The following FKBP5 variants were observed in gnomAD, a reference collection of about 807,000 sequenced individuals.
FKBP5 encodes peptidyl-prolyl cis-trans isomerase FKBP5.
Under a neutral mutation model 50.5 loss-of-function variants are expected in FKBP5, and 23 were observed. The ratio of observed to expected loss-of-function variants is 0.46; its 90% CI spans 0.33 to 0.65. The LOEUF is 0.65. FKBP5 is among the 30% of genes least tolerant of loss of function. The probability of loss-of-function intolerance (pLI) is 0.02; values close to 1 mark genes in which losing one functional copy is unlikely to be tolerated. For synonymous variants in FKBP5, 176 were observed against 190.6 expected (o/e 0.92, Z 0.63); for missense variants, 411 against 553.1 (o/e 0.74, Z 2.58).
intron 8 of FKBP5, chr6:35,585,018 A>G (rs1762557829): frequency 1.0e-6 from 1 of 985,286 alleles, no homozygotes; most frequent in Non-Finnish European, 1.2e-6. Flanking sequence ...AGATGGCTTC[A>G]TAACATTATT....
intron 2 of FKBP5, chr6:35,720,284 T>G (rs1003873714): frequency 6.6e-6 from 1 of 152,426 alleles, no homozygotes; most frequent in Non-Finnish European, 1.5e-5. Flanking sequence ...AACTGGAGCA[T>G]GCAGCTGGAG....
chr6:35,727,009 G>A (rs184764682), intron 1 of FKBP5, among the ~76,000 whole-genome samples: 16 of 152,302 alleles, frequency 1.1e-4, no homozygotes, highest in African/African-American at 2.9e-4. Flanking sequence ...AGTGTGCTGG[G>A]CGTTCAGAGG....
intron 1 of FKBP5, among the ~76,000 whole-genome samples, chr6:35,672,783 T>C (rs573571544): frequency 1.2e-4 from 18 of 151,276 alleles, no homozygotes; most frequent in African/African-American, 4.4e-4. Flanking sequence ...TACAAAAAAT[T>C]AGCTGGCGTA....
chr6:35,618,318 C>T (rs759472148), intron 5 of FKBP5, among the ~76,000 whole-genome samples: 35 of 152,226 alleles, frequency 2.3e-4, no homozygotes, highest in Non-Finnish European at 4.0e-4. Context: ...ATGCCTGACA[C>T]GTAGATGTTG....
chr6:35,584,038 T>G, intron 8 of FKBP5: 1 of 985,434 alleles, frequency 1.0e-6, no homozygotes, highest in Non-Finnish European at 1.2e-6. Flanking sequence ...GTTCTTAGCC[T>G]TCTTGCCACT....
At chr6:35,649,356 T>G (rs571939135) in intron 1 of FKBP5, among the ~76,000 whole-genome samples, 33 of 152,056 alleles carry the variant, frequency 2.2e-4, no homozygotes, top group African/African-American at 7.7e-4. Context: ...GTAGATGCAA[T>G]TACCTCTGAA....
intron 5 of FKBP5, among the ~76,000 whole-genome samples, chr6:35,618,379 A>AT (rs879828940): frequency 1.2e-4 from 18 of 149,878 alleles, no homozygotes; most frequent in East Asian, 5.8e-4. Flanking sequence ...ACCTGAAACT[A>AT]TTTTTTTTTT....
intron 3 of FKBP5, among the ~76,000 whole-genome samples, chr6:35,635,255 T>C (rs1338220984): frequency 6.6e-6 from 1 of 152,008 alleles, no homozygotes; most frequent in African/African-American, 2.4e-5. Context: ...TAATCTTGCT[T>C]GAACCTCGGA....
At chr6:35,695,846 A>G (rs1251415334) in intron 2 of FKBP5, among the ~76,000 whole-genome samples, 1 of 152,200 alleles carries the variant, frequency 6.6e-6, no homozygotes, top group African/African-American at 2.4e-5. Context: ...GTTGAAAGAA[A>G]TTAAAGACAG....
At chr6:35,648,864 G>A (rs1317759875) in intron 1 of FKBP5, among the ~76,000 whole-genome samples, 2 of 152,070 alleles carry the variant, frequency 1.3e-5, no homozygotes, top group African/African-American at 4.8e-5. Flanking sequence ...CAGGAGAATC[G>A]CTTGAACCCT....
chr6:35,645,760 C>G (rs1015418128), intron 1 of FKBP5, among the ~76,000 whole-genome samples: 1 of 152,176 alleles, frequency 6.6e-6, no homozygotes, highest in African/African-American at 2.4e-5. Flanking sequence ...ACAATGCTTT[C>G]TTTTGAATGT....
chr6:35,594,144 CAA>C (rs1172819184), intron 6 of FKBP5, among the ~76,000 whole-genome samples: 1 of 151,880 alleles, frequency 6.6e-6, no homozygotes, highest in Non-Finnish European at 1.5e-5. Flanking sequence ...TGCTTGAGCC[CAA>C]GAGTTTGAGA....
chr6:35,599,312 C>G (rs1763076796), intron 5 of FKBP5, among the ~76,000 whole-genome samples: 1 of 152,044 alleles, frequency 6.6e-6, no homozygotes, highest in Non-Finnish European at 1.5e-5. Flanking sequence ...TCAATATAGT[C>G]CAGAAACCAG....
intron 2 of FKBP5, among the ~76,000 whole-genome samples, chr6:35,700,361 C>T (rs982801217): frequency 1.3e-5 from 2 of 152,010 alleles, no homozygotes; most frequent in Admixed American, 6.6e-5. Context: ...AAGGCTTAAG[C>T]CAGAAGTGGC....
At chr6:35,632,824 G>A (rs1041325240) in intron 3 of FKBP5, among the ~76,000 whole-genome samples, 8 of 151,724 alleles carry the variant, frequency 5.3e-5, no homozygotes, top group African/African-American at 1.9e-4. Flanking sequence ...GGGAGGTGGA[G>A]GTCACAGTGA....
chr6:35,676,970 C>T (rs1372519851), intron 1 of FKBP5, among the ~76,000 whole-genome samples: 2 of 152,342 alleles, frequency 1.3e-5, no homozygotes, highest in African/African-American at 2.4e-5. Context: ...GCTCAAGCTC[C>T]TAGCTTTCTG....
intron 6 of FKBP5, among the ~76,000 whole-genome samples, chr6:35,596,528 C>T (rs904886265): frequency 6.6e-6 from 1 of 151,928 alleles, no homozygotes; most frequent in Non-Finnish European, 1.5e-5. Context: ...TCCATGGAGC[C>T]GGAGGGAGGA....
At chr6:35,683,464 T>C (rs922033623) in intron 1 of FKBP5, among the ~76,000 whole-genome samples, 54 of 151,238 alleles carry the variant, frequency 3.6e-4, no homozygotes, top group African/African-American at 1.2e-3. Context: ...CTGGTATATA[T>C]ATATACTTTT....
intron 2 of FKBP5, among the ~76,000 whole-genome samples, chr6:35,703,606 T>G (rs987971480): frequency 1.3e-5 from 2 of 152,230 alleles, no homozygotes; most frequent in Non-Finnish European, 2.9e-5. Context: ...TGTAGTTGTC[T>G]TTGAAGTATT....
Sources: allele counts gnomAD v4.1 joint callset (sites outside exome capture counted in the v4.1 genomes callset), GRCh38; gene constraint gnomAD v4.1.1; transcripts MANE v1.5; gene names NCBI Gene and HGNC (gene_info 2026-07-23, HGNC 2026-07-21).